RFX3: variants seen among roughly 807,000 people sequenced by gnomAD.
RFX3 encodes transcription factor RFX3.
RFX3 carries 14 observed loss-of-function variants against 98.6 expected under a neutral mutation model. The observed-to-expected ratio is 0.14, with a 90% CI of 0.09 to 0.22. The LOEUF (loss-of-function observed/expected upper bound fraction) is 0.22, where lower values mean the gene tolerates loss of function less well. Among genes scored for constraint, RFX3 ranks in the 10% least tolerant of loss-of-function variants. The pLI, the probability that RFX3 is intolerant of heterozygous loss-of-function variation, is 1.00. For missense variants in RFX3, 639 were observed against 926.9 expected (o/e 0.69, Z 4.03); for synonymous variants, 383 against 328.4 (o/e 1.17, Z -1.80).
At chr9:3,439,932 A>C (rs2132669286) in intron 1 of RFX3, among the ~76,000 whole-genome samples, 1 of 152,184 alleles carries the variant, frequency 6.6e-6, no homozygotes, top group East Asian at 1.9e-4. Context: ...AGTCAGTCTC[A>C]GGATCTGAAA....
chr9:3,234,385 T>C (rs556607315), intron 15 of RFX3, among the ~76,000 whole-genome samples: 6 of 152,324 alleles, frequency 3.9e-5, no homozygotes, highest in Admixed American at 3.9e-4. Context: ...ACGCTTGTAA[T>C]ACTAGCACTT....
chr9:3,338,534 T>C (rs1033256072), intron 3 of RFX3, among the ~76,000 whole-genome samples: 12 of 152,236 alleles, frequency 7.9e-5, no homozygotes, highest in African/African-American at 2.9e-4. Flanking sequence ...TATTTCTGTA[T>C]GGTAGAACAG....
chr9:3,502,786 C>G (rs903807061), intron 1 of RFX3, among the ~76,000 whole-genome samples: 1 of 152,080 alleles, frequency 6.6e-6, no homozygotes. Context: ...AATGTTAGCC[C>G]TGAGTCATCT....
chr9:3,459,583 A>G (rs1847501677), intron 1 of RFX3, among the ~76,000 whole-genome samples: 1 of 152,172 alleles, frequency 6.6e-6, no homozygotes, highest in Non-Finnish European at 1.5e-5. Context: ...ATAATAAGTG[A>G]AAGTATACAT....
chr9:3,523,126 C>G (rs1248453584), intron 1 of RFX3, among the ~76,000 whole-genome samples: 1 of 152,108 alleles, frequency 6.6e-6, no homozygotes, highest in Non-Finnish European at 1.5e-5. Flanking sequence ...GCAAAACACA[C>G]CAAAACGACT....
rs543977749 is a variant in RFX3 at position 3,452,847 on chromosome 9, T to C, written c.-8-57251A>G. ...AACCTTTGTATCTGCTATCTGTGTATTATCTCTTTTTAATATAGTACCATA... is the reference window on the plus strand; with the variant it reads ...AACCTTTGTATCTGCTATCTGTGTACTATCTCTTTTTAATATAGTACCATA... On this transcript the variant is annotated intron_variant, in intron 1 of 16. Coordinates refer to ENST00000617270, the MANE Select transcript of RFX3 (RefSeq NM_001282116.2). Among the ~76,000 whole-genome samples the C allele has an allele frequency of 7.2e-5, 11 of 152,324 alleles. No individual in the cohort carries two copies. The East Asian group carries it at 2.1e-3, about 29-fold the overall frequency.
At chr9:3,519,400 A>G (rs774168644) in intron 1 of RFX3, among the ~76,000 whole-genome samples, 1 of 152,158 alleles carries the variant, frequency 6.6e-6, no homozygotes, top group African/African-American at 2.4e-5. Flanking sequence ...AAGTCTTTCA[A>G]AACTTTTTGG....
chr9:3,479,687 G>T (rs1422210676), intron 1 of RFX3, among the ~76,000 whole-genome samples: 1 of 152,192 alleles, frequency 6.6e-6, no homozygotes, highest in Non-Finnish European at 1.5e-5. Flanking sequence ...GAGGAGGAAA[G>T]CCTAGTCCAT....
intron 1 of RFX3, among the ~76,000 whole-genome samples, chr9:3,521,398 G>A (rs371682646): frequency 6.6e-6 from 1 of 151,998 alleles, no homozygotes; most frequent in African/African-American, 2.4e-5. Context: ...ATAAAAATAA[G>A]CCTATTATAT....
At chr9:3,393,371 T>C (rs1028033105) in intron 2 of RFX3, among the ~76,000 whole-genome samples, 3 of 152,260 alleles carry the variant, frequency 2.0e-5, no homozygotes, top group African/African-American at 4.8e-5. Flanking sequence ...TGATAATATG[T>C]AAATTCAATA....
chr9:3,388,636 GC>G (rs1253514260), intron 2 of RFX3, among the ~76,000 whole-genome samples: 2 of 151,946 alleles, frequency 1.3e-5, no homozygotes, highest in African/African-American at 4.8e-5. Context: ...CTTGAAAGGA[GC>G]TTTTATGGCA....
intron 3 of RFX3, among the ~76,000 whole-genome samples, chr9:3,340,299 C>T (rs557857069): frequency 1.3e-5 from 2 of 152,178 alleles, no homozygotes; most frequent in South Asian, 4.1e-4. Context: ...CCATAAAAAC[C>T]CTAGAAGAAA....
chr9:3,315,150 A>G (rs1327707490), intron 4 of RFX3, among the ~76,000 whole-genome samples: 1 of 152,188 alleles, frequency 6.6e-6, no homozygotes, highest in Non-Finnish European at 1.5e-5. Context: ...CAAATGTAAA[A>G]GAACAGAAAT....
At chr9:3,347,016 G>A (rs967746839) in intron 2 of RFX3, among the ~76,000 whole-genome samples, 1 of 152,100 alleles carries the variant, frequency 6.6e-6, no homozygotes, top group Non-Finnish European at 1.5e-5. Flanking sequence ...CAACTGTTCA[G>A]GTTTAAAATT....
intron 3 of RFX3, among the ~76,000 whole-genome samples, chr9:3,332,475 T>A (rs1832706528): frequency 6.6e-6 from 1 of 152,204 alleles, no homozygotes; most frequent in African/African-American, 2.4e-5. Flanking sequence ...ATTTCAGATT[T>A]TGGATTTTGC....
chr9:3,360,811 T>C (rs1367214402), intron 2 of RFX3, among the ~76,000 whole-genome samples: 2 of 152,220 alleles, frequency 1.3e-5, no homozygotes, highest in African/African-American at 4.8e-5. Context: ...TTATACAATA[T>C]GTTATTTCGG....
rs1313737704 is a variant in RFX3 at position 3,271,016 on chromosome 9, T to C, written c.1189A>G (p.Ile397Val). The change falls in exon 10 of 17, where the codon ATT (isoleucine) becomes GTT (valine). Residue 397 changes from isoleucine to valine, a missense_variant. Around this residue, in one of 9 missense-constraint regions of RFX3, gnomAD observed 30 missense variants for 23.0 expected, o/e 1.30. Transcript: ENST00000617270. ...GTTGATTCTGACCTCGATTCGGTAA[T>C]GGTAGTGCCATCAGTTGGAGTAGAG... The part of the protein sequence containing the change: ...SPSTPTDGTT[I>V]TESSNLSEIE... The C allele has an allele frequency of 1.9e-6, 3 of 1,613,646 alleles. No homozygotes were observed. The highest frequency in any genetic ancestry group is 2.2e-5 in the South Asian group (2 of 91,084).
At chr9:3,325,310 C>A (rs549583404) in intron 4 of RFX3, among the ~76,000 whole-genome samples, 10 of 152,146 alleles carry the variant, frequency 6.6e-5, no homozygotes, top group South Asian at 6.2e-4. Context: ...TAAATGAATT[C>A]TTAACTTTCT....
At chr9:3,247,918 G>C (rs1156902913) in intron 15 of RFX3, 114 bp downstream of exon 15, 1 of 1,612,184 alleles carries the variant, frequency 6.2e-7, no homozygotes, top group Admixed American at 1.7e-5. Context: ...TCCTGGCTCT[G>C]AGGCTGACTT....
Sources: gnomAD v4.1 joint callset for allele counts (sites outside exome capture counted in the v4.1 genomes callset) on GRCh38, gnomAD v4.1.1 for gene constraint, gnomAD v4.1.1 regional missense constraint, MANE v1.5 for transcripts, NCBI Gene and HGNC (gene_info 2026-07-23, HGNC 2026-07-21) for gene names.